Variants in RNFT2 observed in about 807,000 individuals in gnomAD.
RNFT2 encodes the protein ring finger protein, transmembrane 2.
A neutral mutation model predicts 53.0 loss-of-function variants in RNFT2; 36 were observed. The ratio of observed to expected loss-of-function variants is 0.68; its 90% CI spans 0.52 to 0.90. The LOEUF is 0.90. Among genes scored for constraint, RNFT2 ranks in the 40% least tolerant of loss-of-function variants. RNFT2 has a pLI of 0.00. For synonymous variants in RNFT2, 260 were observed against 253.2 expected, an observed-to-expected ratio of 1.03 and a Z score of -0.26; for missense variants, 514 against 585.6, an observed-to-expected ratio of 0.88 and a Z score of 1.26.
intron 7 of RNFT2, among the ~76,000 whole-genome samples, chr12:116,798,742 A>G (rs75566361): frequency 0.039 from 5,898 of 151,758 alleles, 183 homozygotes; most frequent in African/African-American, 0.076. Flanking sequence ...AATTTTTCAT[A>G]TATTTCTTTT....
chr12:116,826,853 C>T (rs1312722417), intron 7 of RNFT2, among the ~76,000 whole-genome samples: 2 of 152,116 alleles, frequency 1.3e-5, no homozygotes, highest in Admixed American at 6.5e-5. Flanking sequence ...TATCTTCTCC[C>T]GTAAGGGGCT....
intron 7 of RNFT2, chr12:116,800,943 C>T (rs934382409): frequency 6.6e-6 from 1 of 152,168 alleles, no homozygotes; most frequent in Non-Finnish European, 1.5e-5. Flanking sequence ...CAAAGTAGGA[C>T]TCAACTCAGC....
intron 10 of RNFT2, among the ~76,000 whole-genome samples, chr12:116,844,239 T>G (rs931995006): frequency 2.0e-5 from 3 of 152,114 alleles, no homozygotes; most frequent in Non-Finnish European, 4.4e-5. Context: ...TTTTGTTTCA[T>G]TTTGTTTTTC....
At chr12:116,820,293 T>G (rs1199537041) in intron 7 of RNFT2, among the ~76,000 whole-genome samples, 2 of 152,108 alleles carry the variant, frequency 1.3e-5, no homozygotes, top group Non-Finnish European at 1.5e-5. Context: ...TGTTTCCCAG[T>G]CTGGTCTCGA....
At chr12:116,750,783 CTA>C (rs1246843249) in intron 4 of RNFT2, among the ~76,000 whole-genome samples, 8 of 120,960 alleles carry the variant, frequency 6.6e-5, no homozygotes, top group South Asian at 2.6e-4. Context: ...ATTATTTTTA[CTA>C]TATGTGTGTG....
chr12:116,851,760 AAAG>A lies in RNFT2; in HGVS notation c.*2316_*2318del, dbSNP rs754415647. The A allele has an allele frequency of 1.7e-4, 133 of 762,952 alleles. No homozygotes were observed. The African/African-American group carries it at 2.0e-3, about 12-fold the overall frequency. The allele number at this position is 762,952 out of a possible 1,614,324, so 47.3% of individuals were successfully genotyped here. ...ACTCTGTCTAAAAAAAAAAAGAAAGAAAGAAGGGAGGGAGGGAGGAAGGAAGGA... is the reference window on the plus strand; with the variant it reads ...ACTCTGTCTAAAAAAAAAAAGAAAGAAAGGGAGGGAGGGAGGAAGGAAGGA... On this transcript the variant is annotated 3_prime_UTR_variant, in exon 11 of 11. Coordinates refer to ENST00000257575, the MANE Select transcript of RNFT2 (RefSeq NM_001382266.1).
At chr12:116,815,887 C>T (rs1875631234) in intron 7 of RNFT2, among the ~76,000 whole-genome samples, 1 of 152,074 alleles carries the variant, frequency 6.6e-6, no homozygotes, top group African/African-American at 2.4e-5. Flanking sequence ...ACTTGAGGAC[C>T]CTGTTTGTCA....
chr12:116,760,384 A>G (rs1263582172), intron 5 of RNFT2, among the ~76,000 whole-genome samples: 1 of 152,152 alleles, frequency 6.6e-6, no homozygotes. Context: ...CCCTGTTCAA[A>G]TTGTTACACA....
chr12:116,841,363 G>C (rs1877238716), intron 10 of RNFT2, among the ~76,000 whole-genome samples: 1 of 152,202 alleles, frequency 6.6e-6, no homozygotes, highest in South Asian at 2.1e-4. Context: ...TGAGGTGAGA[G>C]GATTGCCTGA....
intron 7 of RNFT2, among the ~76,000 whole-genome samples, chr12:116,785,944 C>G (rs570310212): frequency 6.6e-6 from 1 of 152,044 alleles, no homozygotes; most frequent in East Asian, 2.0e-4. Flanking sequence ...CCCAGCTACT[C>G]AGGAGGTTGA....
At chr12:116,742,823 C>A (rs548293344) in intron 3 of RNFT2, among the ~76,000 whole-genome samples, 30 of 152,082 alleles carry the variant, frequency 2.0e-4, no homozygotes, top group African/African-American at 6.7e-4. Context: ...TGGTGCATAC[C>A]TATAGTCTCA....
intron 7 of RNFT2, among the ~76,000 whole-genome samples, chr12:116,820,564 TA>T (rs1314461679): frequency 6.6e-6 from 1 of 152,212 alleles, no homozygotes; most frequent in Non-Finnish European, 1.5e-5. Flanking sequence ...TTCTGAATTT[TA>T]TCATCCTTCA....
At position 116,741,113 on chromosome 12, in the gene RNFT2, G is replaced by T. The variant is rs1871589015; in HGVS notation, c.83+19G>T. ...CTGAAAGGTAGGCATCCCTGCTTCT[G>T]TTCCATCTGAGGGCTCTAGGCTTCG... On this transcript the variant is annotated intron_variant, in intron 3 of 10. Coordinates refer to ENST00000257575, the MANE Select transcript of RNFT2 (RefSeq NM_001382266.1). 1.9e-6 allele frequency: 3 copies of T among 1,601,236 alleles called. No homozygotes were observed. In the Admixed American group the frequency reaches 5.2e-5, roughly 28 times the overall value.
At chr12:116,841,018 T>A (rs979632784) in intron 10 of RNFT2, among the ~76,000 whole-genome samples, 5 of 152,160 alleles carry the variant, frequency 3.3e-5, no homozygotes, top group African/African-American at 1.2e-4. Context: ...TTTCCCAGAT[T>A]CCCTATAATG....
intron 7 of RNFT2, among the ~76,000 whole-genome samples, chr12:116,813,376 A>G (rs1297958004): frequency 6.6e-6 from 1 of 151,624 alleles, no homozygotes; most frequent in East Asian, 1.9e-4. Flanking sequence ...TTGTTCTCTC[A>G]CCTCCTCCAG....
In RNFT2 at chr12:116,750,259, C is replaced by T. The variant is rs1220834271; in HGVS notation, c.502C>T (p.Pro168Ser). ...AVICWLQKGL[P>S]FILILLAKLC... ...GATCTGCTGGCTCCAGAAAGGACTC[C>T]CCTTCATCCTGATCCTCCTGGCCAA... Residue 168 changes from proline (P) to serine (S), a missense_variant, in exon 4 of 11, where the codon CCC (proline) becomes TCC (serine). Transcript: ENST00000257575. 2 of 1,607,114 alleles carry T rather than the reference C, an allele frequency of 1.2e-6. No individual in the cohort carries two copies. Among genetic ancestry groups the T allele is most frequent in the Middle Eastern group, 1.7e-4 (1 of 6,060 alleles).
chr12:116,797,662 C>T (rs1213881089), intron 7 of RNFT2, among the ~76,000 whole-genome samples: 1 of 152,098 alleles, frequency 6.6e-6, no homozygotes, highest in East Asian at 1.9e-4. Context: ...AAGGGTGAGC[C>T]AGTGGTAGGG....
At chr12:116,814,941 AGCCAG>A (rs969090958) in intron 7 of RNFT2, among the ~76,000 whole-genome samples, 1 of 152,150 alleles carries the variant, frequency 6.6e-6, no homozygotes, top group African/African-American at 2.4e-5. Context: ...TCACTATGTT[AGCCAG>A]GCCGGTCACA....
At chr12:116,786,122 CTT>C (rs1190827408) in intron 7 of RNFT2, among the ~76,000 whole-genome samples, 63 of 135,560 alleles carry the variant, frequency 4.6e-4, no homozygotes, top group Non-Finnish European at 3.1e-4. Flanking sequence ...TCAGGTAGTT[CTT>C]TTTTTTTTTT....
Sources: allele counts gnomAD v4.1 joint callset (sites outside exome capture counted in the v4.1 genomes callset), GRCh38; gene constraint gnomAD v4.1.1; transcripts MANE v1.5; gene names NCBI Gene and HGNC (gene_info 2026-07-23, HGNC 2026-07-21).